The following GPC6 variants were observed in gnomAD, a reference collection of about 807,000 sequenced individuals.
The protein encoded by GPC6 is glypican-6.
Under a neutral mutation model 55.2 loss-of-function variants are expected in GPC6, and 14 were observed. The observed-to-expected ratio is 0.25, with a 90% CI of 0.17 to 0.40. GPC6 has a LOEUF of 0.40. GPC6 is among the 10% of genes least tolerant of loss of function. The pLI is 1.00. For missense variants in GPC6, 641 were observed against 708.5 expected (o/e 0.90, Z 1.08); for synonymous variants, 278 against 259.6 (o/e 1.07, Z -0.68).
intron 4 of GPC6, among the ~76,000 whole-genome samples, chr13:94,281,495 A>C (rs1012748279): frequency 7.2e-5 from 11 of 152,158 alleles, no homozygotes; most frequent in Non-Finnish European, 1.2e-4. Context: ...TTCTAGGTTA[A>C]AGTCAGTGGC....
chr13:93,337,531 C>T (rs1053871271), intron 1 of GPC6, among the ~76,000 whole-genome samples: 5 of 151,850 alleles, frequency 3.3e-5, no homozygotes, highest in East Asian at 1.9e-4. Flanking sequence ...ATCAGAGGCA[C>T]GAGATATTCA....
chr13:94,372,376 C>G (rs969992280), intron 6 of GPC6, among the ~76,000 whole-genome samples: 16 of 152,314 alleles, frequency 1.1e-4, no homozygotes, highest in African/African-American at 3.6e-4. Context: ...CGAGCCGAAG[C>G]AGGGCGAGGC....
chr13:94,366,217 A>T (rs968088386), intron 6 of GPC6, among the ~76,000 whole-genome samples: 2 of 152,210 alleles, frequency 1.3e-5, no homozygotes, highest in African/African-American at 4.8e-5. Context: ...AAAGAATCTG[A>T]ATTTTTCAGC....
intron 5 of GPC6, among the ~76,000 whole-genome samples, chr13:94,305,662 T>C (rs1594151159): frequency 6.6e-6 from 1 of 151,988 alleles, no homozygotes; most frequent in Non-Finnish European, 1.5e-5. Context: ...TCCATGAGAG[T>C]GCTGTGAGTA....
At chr13:93,995,583 G>A (rs1881506831) in intron 3 of GPC6, among the ~76,000 whole-genome samples, 1 of 152,082 alleles carries the variant, frequency 6.6e-6, no homozygotes, top group Admixed American at 6.6e-5. Flanking sequence ...CCTGGTATAT[G>A]TTAATATCAA....
intron 4 of GPC6, among the ~76,000 whole-genome samples, chr13:94,269,066 A>G (rs1406908053): frequency 1.3e-5 from 2 of 152,172 alleles, no homozygotes; most frequent in African/African-American, 4.8e-5. Context: ...GCGAAGAATA[A>G]CATCGACCTC....
Position 93,559,194 on chromosome 13 carries a change from C to T in GPC6, c.319+13773C>T, listed in dbSNP as rs933111892. 3.9e-5 allele frequency among the ~76,000 whole-genome samples: 6 copies of T among 152,094 alleles called. No individual in the cohort carries two copies. The East Asian group carries it at 5.8e-4, about 15-fold the overall frequency. On this transcript the variant is annotated intron_variant, in intron 2 of 8. Coordinates refer to ENST00000377047, the MANE Select transcript of GPC6 (RefSeq NM_005708.5). ...ATTAAGTTGATATCTCTCAGAAGGC[C>T]GTGCTGTGTATACCACATCTCAGTA... is the stretch of plus-strand genomic sequence containing the variant.
At chr13:93,392,925 A>C (rs534140681) in intron 1 of GPC6, among the ~76,000 whole-genome samples, 1 of 152,192 alleles carries the variant, frequency 6.6e-6, no homozygotes, top group East Asian at 1.9e-4. Flanking sequence ...ATTTTAAGCA[A>C]ATATTGATTG....
At chr13:93,612,928 C>T (rs1427428412) in intron 2 of GPC6, among the ~76,000 whole-genome samples, 1 of 152,090 alleles carries the variant, frequency 6.6e-6, no homozygotes, top group Non-Finnish European at 1.5e-5. Context: ...GGAAACTGCT[C>T]CTAGATACCA....
intron 1 of GPC6, among the ~76,000 whole-genome samples, chr13:93,340,370 G>A (rs1880211656): frequency 1.3e-5 from 2 of 151,984 alleles, no homozygotes; most frequent in Non-Finnish European, 2.9e-5. Context: ...TATGTGTTGC[G>A]CATTTTCAAG....
intron 4 of GPC6, among the ~76,000 whole-genome samples, chr13:94,085,263 A>G (rs1463513984): frequency 7.3e-6 from 1 of 137,768 alleles, no homozygotes; most frequent in Non-Finnish European, 1.5e-5. Flanking sequence ...CGGAGGTTGC[A>G]GTGAGCCGAG....
At chr13:93,320,580 C>T (rs12430834) in intron 1 of GPC6, among the ~76,000 whole-genome samples, 2,505 of 151,548 alleles carry the variant, frequency 0.017, 103 homozygotes, top group Admixed American at 0.098. Flanking sequence ...TTGTGACTTT[C>T]GCAAATAGTG....
chr13:93,929,427 A>G (rs1362086910), intron 3 of GPC6, among the ~76,000 whole-genome samples: 11 of 152,228 alleles, frequency 7.2e-5, no homozygotes, highest in African/African-American at 2.7e-4. Flanking sequence ...AGTGGCGTAT[A>G]TCATCAGTTT....
chr13:93,507,018 T>C (rs1161310596), intron 1 of GPC6, among the ~76,000 whole-genome samples: 9 of 128,164 alleles, frequency 7.0e-5, no homozygotes, highest in African/African-American at 9.2e-5. Context: ...GCCGAGATCG[T>C]GCCACTGCAC....
chr13:93,664,357 C>T (rs952685147), intron 2 of GPC6, among the ~76,000 whole-genome samples: 6 of 151,954 alleles, frequency 3.9e-5, no homozygotes, highest in Non-Finnish European at 5.9e-5. Flanking sequence ...TGAACTTTTT[C>T]GTTTTTATTT....
At chr13:93,288,044 C>A (rs1231168505) in intron 1 of GPC6, among the ~76,000 whole-genome samples, 1 of 151,980 alleles carries the variant, frequency 6.6e-6, no homozygotes, top group Non-Finnish European at 1.5e-5. Context: ...TTACTAATGT[C>A]CCTTTTAATA....
intron 4 of GPC6, among the ~76,000 whole-genome samples, chr13:94,081,928 C>T (rs1885113032): frequency 2.0e-5 from 3 of 150,668 alleles, no homozygotes; most frequent in South Asian, 2.2e-4. Flanking sequence ...ACAACCTCCA[C>T]CTCCCGGATT....
At chr13:94,244,578 T>C (rs145856471) in intron 4 of GPC6, among the ~76,000 whole-genome samples, 112 of 152,280 alleles carry the variant, frequency 7.4e-4, no homozygotes, top group African/African-American at 2.5e-3. Context: ...TCTTTCTTTT[T>C]TTGGAAGGAC....
At chr13:94,371,465 T>C (rs1034162685) in intron 6 of GPC6, among the ~76,000 whole-genome samples, 1 of 152,148 alleles carries the variant, frequency 6.6e-6, no homozygotes, top group Admixed American at 6.5e-5. Context: ...ATCTCCACCA[T>C]TTACTAGATG....
Sources: gnomAD v4.1 joint callset for allele counts (sites outside exome capture counted in the v4.1 genomes callset) on GRCh38, gnomAD v4.1.1 for gene constraint, MANE v1.5 for transcripts, NCBI Gene and HGNC (gene_info 2026-07-23, HGNC 2026-07-21) for gene names.